The following CACUL1 variants were observed in gnomAD, a reference collection of about 807,000 sequenced individuals.
CACUL1 encodes CDK2 associated cullin domain 1, also known as CDK2-associated and cullin domain-containing protein 1.
A neutral mutation model predicts 45.2 loss-of-function variants in CACUL1; 13 were observed. That is an observed-to-expected ratio of 0.29 (90% CI 0.19 to 0.46). CACUL1 has a LOEUF of 0.46. Among genes scored for constraint, CACUL1 ranks in the 20% least tolerant of loss-of-function variants. The pLI, the probability that CACUL1 is intolerant of heterozygous loss-of-function variation, is 1.00. For synonymous variants in CACUL1, 197 were observed against 174.2 expected, an observed-to-expected ratio of 1.13 and a Z score of -1.03; for missense variants, 421 against 471.4, an observed-to-expected ratio of 0.89 and a Z score of 0.99.
At chr10:118,712,147 T>C (rs778474200) in intron 3 of CACUL1, among the ~76,000 whole-genome samples, 2 of 152,212 alleles carry the variant, frequency 1.3e-5, no homozygotes, top group East Asian at 3.9e-4. Context: ...GGGTGTTGTT[T>C]TTCTGGCCAG....
At chr10:118,732,677 T>C (rs556319874) in intron 1 of CACUL1, among the ~76,000 whole-genome samples, 1 of 152,272 alleles carries the variant, frequency 6.6e-6, no homozygotes, top group East Asian at 1.9e-4. Flanking sequence ...CCACTGGTAC[T>C]AAGCTCCAGC....
intron 1 of CACUL1, among the ~76,000 whole-genome samples, chr10:118,741,596 T>G (rs761589592): frequency 2.0e-5 from 3 of 152,148 alleles, no homozygotes; most frequent in Non-Finnish European, 4.4e-5. Context: ...ACCCCCAAAA[T>G]TTTGTAGATT....
chr10:118,693,913 C>G (rs1845295787), intron 6 of CACUL1, among the ~76,000 whole-genome samples: 1 of 152,082 alleles, frequency 6.6e-6, no homozygotes, highest in Admixed American at 6.5e-5. Context: ...TTTAAAGTAG[C>G]CTAAGGGTTT....
At chr10:118,716,631 C>T (rs569013196) in intron 3 of CACUL1, among the ~76,000 whole-genome samples, 39 of 142,424 alleles carry the variant, frequency 2.7e-4, no homozygotes, top group African/African-American at 1.0e-3. Flanking sequence ...GAGACAGAGT[C>T]TCACTCTGTC....
intron 1 of CACUL1, among the ~76,000 whole-genome samples, chr10:118,752,251 A>C (rs988298075): frequency 5.9e-5 from 9 of 152,170 alleles, no homozygotes; most frequent in Non-Finnish European, 1.0e-4. Flanking sequence ...ATCTTAAAGT[A>C]TATGTATCTA....
chr10:118,711,367 A>G (rs1057227063), intron 3 of CACUL1, among the ~76,000 whole-genome samples: 3 of 152,254 alleles, frequency 2.0e-5, no homozygotes, highest in Non-Finnish European at 4.4e-5. Context: ...GCCGTGAGCC[A>G]CCGCACCTGG....
rs1040490618 is a variant in CACUL1, at chr10:118,754,817, C to T, written c.-55G>A. 9 of 1,505,066 alleles carry T rather than the reference C, an allele frequency of 6.0e-6. No homozygotes were observed. In the African/African-American group the frequency reaches 1.2e-4, roughly 20 times the overall value. 93.2% of individuals were successfully genotyped at this position (1,505,066 alleles called of 1,614,324 possible). On this transcript the variant is annotated 5_prime_UTR_variant, in exon 1 of 9. Transcript: ENST00000369151. ...ACAGGCACCTGCCGCCTGTCTCAAC[C>T]CCGGGCCAGCGGGCACCGCTGCCTC...
At chr10:118,748,113 T>C (rs1436071869) in intron 1 of CACUL1, among the ~76,000 whole-genome samples, 3 of 151,990 alleles carry the variant, frequency 2.0e-5, no homozygotes, top group African/African-American at 7.2e-5. Context: ...CAGAGAAACA[T>C]AGGGAAGTAT....
In CACUL1 at chr10:118,678,294, A is replaced by G. The variant is rs1845116697; in HGVS notation, c.*7834T>C. ...GTAATAAGTACTTACAATCAATGGT[A>G]GCCAAATTACTTATCTACTGATAGT... On this transcript the variant is annotated 3_prime_UTR_variant, in exon 9 of 9. Coordinates refer to ENST00000369151, the MANE Select transcript of CACUL1 (RefSeq NM_153810.5). 6.6e-6 allele frequency: 1 copy of G among 152,230 alleles called. No individual in the cohort carries two copies. Among genetic ancestry groups the G allele is most frequent in the Non-Finnish European group, 1.5e-5 (1 of 68,038 alleles). The allele number at this position is 152,230 out of a possible 1,614,324, so 9.4% of individuals were successfully genotyped here. A position where few individuals can be genotyped will look rare whatever the true frequency, so the allele number is the denominator to read the frequency against.
At chr10:118,698,567 C>A (rs1416942730) in intron 5 of CACUL1, among the ~76,000 whole-genome samples, 1 of 152,120 alleles carries the variant, frequency 6.6e-6, no homozygotes, top group Non-Finnish European at 1.5e-5. Context: ...ACCTAAGATA[C>A]CAGCAATTTC....
At chr10:118,704,556 C>T (rs1284754862) in intron 4 of CACUL1, among the ~76,000 whole-genome samples, 2 of 152,216 alleles carry the variant, frequency 1.3e-5, no homozygotes, top group African/African-American at 4.8e-5. Flanking sequence ...CTTGTCTTCC[C>T]GTTTGGCACA....
chr10:118,697,460 A>G (rs1418341348), intron 5 of CACUL1, among the ~76,000 whole-genome samples: 3 of 152,252 alleles, frequency 2.0e-5, no homozygotes, highest in African/African-American at 4.8e-5. Flanking sequence ...ACTAGAATAG[A>G]TAACTTCTAA....
At chr10:118,728,172 C>A (rs1158497924) in intron 3 of CACUL1, among the ~76,000 whole-genome samples, 1 of 152,160 alleles carries the variant, frequency 6.6e-6, no homozygotes, top group African/African-American at 2.4e-5. Context: ...AAAAACTAAG[C>A]TATCTCAGAC....
intron 3 of CACUL1, chr10:118,726,412 G>T: frequency 1.0e-6 from 1 of 970,740 alleles, no homozygotes; most frequent in Non-Finnish European, 1.4e-6. Flanking sequence ...AGACACTAAG[G>T]ATAAAAAGAC....
intron 5 of CACUL1, among the ~76,000 whole-genome samples, chr10:118,697,997 A>C (rs1199227237): frequency 6.6e-6 from 1 of 152,234 alleles, no homozygotes; most frequent in Non-Finnish European, 1.5e-5. Flanking sequence ...ATTCCCAGTA[A>C]GAAGTCATTG....
At chr10:118,691,599 G>C (rs758349181) in intron 6 of CACUL1, 196 bp from the exon 7 acceptor site, 1 of 489,106 alleles carries the variant, frequency 2.0e-6, no homozygotes. Context: ...CGGGTGCGGC[G>C]GCTCACACCT....
chr10:118,678,100 T>G lies in CACUL1; in HGVS notation c.*8028A>C, dbSNP rs1589597508. ...ATGAGGCTGAACATCTTTTCACATT[T>G]ATGGGCCATTTCTGTTTCTTCTGTG... On this transcript the variant is annotated 3_prime_UTR_variant, in exon 9 of 9. Transcript: ENST00000369151. 6.6e-6 allele frequency: 1 copy of G among 152,250 alleles called. No homozygotes were observed. Among genetic ancestry groups the G allele is most frequent in the East Asian group, 1.9e-4 (1 of 5,204 alleles). The allele number at this position is 152,250 out of a possible 1,614,324, so 9.4% of individuals were successfully genotyped here. A position where few individuals can be genotyped will look rare whatever the true frequency, so the allele number is the denominator to read the frequency against.
chr10:118,681,289 G>A lies in CACUL1; in HGVS notation c.*4839C>T, dbSNP rs141437706. 2.9e-3 allele frequency: 447 copies of A among 152,312 alleles called. 2 individuals carry two copies. The highest frequency in any genetic ancestry group is 0.01 in the African/African-American group (427 of 41,548). The allele number at this position is 152,312 out of a possible 1,614,324, so 9.4% of individuals were successfully genotyped here. A position where few individuals can be genotyped will look rare whatever the true frequency, so the allele number is the denominator to read the frequency against. On this transcript the variant is annotated 3_prime_UTR_variant, in exon 9 of 9. Coordinates refer to ENST00000369151, the MANE Select transcript of CACUL1 (RefSeq NM_153810.5). ...AGTGAGTGGCAAAAGCCTCTTGCTC[G>A]TGCTTGCCCTCCAAATTTTTCATAA...
At chr10:118,694,041 T>C (rs1845297444) in intron 6 of CACUL1, among the ~76,000 whole-genome samples, 1 of 152,204 alleles carries the variant, frequency 6.6e-6, no homozygotes, top group African/African-American at 2.4e-5. Context: ...ATTTTTTCTA[T>C]TTTTAGTAGA....
Sources: allele counts gnomAD v4.1 joint callset (sites outside exome capture counted in the v4.1 genomes callset), GRCh38; gene constraint gnomAD v4.1.1; transcripts MANE v1.5; gene names NCBI Gene and HGNC (gene_info 2026-07-23, HGNC 2026-07-21).